Variants in UGT3A1 observed in about 807,000 individuals in gnomAD.
The protein encoded by UGT3A1 is UDP glycosyltransferase family 3 member A1, also known as UDP-glycosyltransferase 3A1.
A neutral mutation model predicts 37.6 loss-of-function variants in UGT3A1; 40 were observed. That is an observed-to-expected ratio of 1.06 (90% CI 0.83 to 1.38). The LOEUF (loss-of-function observed/expected upper bound fraction) is 1.38, where lower values mean the gene tolerates loss of function less well. UGT3A1 is among the 40% of genes most tolerant of loss of function. The pLI is 0.00. For synonymous variants in UGT3A1, 256 were observed against 232.3 expected (o/e 1.10, Z -0.93); for missense variants, 642 against 634.2 (o/e 1.01, Z -0.13).
chr5:35,967,876 C>T, intron 3 of UGT3A1, 143 bp downstream of exon 3: 1 of 667,452 alleles, frequency 1.5e-6, no homozygotes. Context: ...TCCATTCATC[C>T]ACTCACACAT....
rs1739778596 is a variant in UGT3A1 at position 35,965,707 on chromosome 5, A to G, written c.522T>C (p.Asp174=). Residue 174 remains aspartate, a synonymous_variant, in exon 4 of 7, where the codon GAT becomes GAC. Coordinates refer to ENST00000274278, the MANE Select transcript of UGT3A1 (RefSeq NM_152404.4). ...AILPTTFGSL[D]FGLPSPLSYV... is the part of the protein sequence containing the mutation. ...AAGACAAGGGGCTTGGTAGCCCAAA[A>G]TCCAAAGAGCCGAATGTGGTGGGAA... 1 of 1,614,178 alleles carries G rather than the reference A, an allele frequency of 6.2e-7. No homozygotes were observed. The highest frequency in any genetic ancestry group is 1.1e-5 in the South Asian group (1 of 91,070).
At chr5:35,992,138 A>G (rs1209244675), upstream of UGT3A1, among the ~76,000 whole-genome samples, 3 of 152,206 alleles carry the variant, frequency 2.0e-5, no homozygotes, top group Non-Finnish European at 4.4e-5. Flanking sequence ...GAAATCCTTC[A>G]ATGGATTATA....
At chr5:35,962,157 C>A (rs1280200825) in intron 4 of UGT3A1, 2 of 152,248 alleles carry the variant, frequency 1.3e-5, no homozygotes, top group Non-Finnish European at 2.9e-5. Flanking sequence ...TGCAGAGCAG[C>A]CTGCTTCTCA....
chr5:35,956,848 T>C (rs192087937), intron 5 of UGT3A1, among the ~76,000 whole-genome samples: 1 of 152,344 alleles, frequency 6.6e-6, no homozygotes, highest in East Asian at 1.9e-4. Flanking sequence ...TCTTGGAGTT[T>C]ACATATTATC....
chr5:35,993,967 C>G (rs536771223), upstream of UGT3A1, among the ~76,000 whole-genome samples: 50 of 152,130 alleles, frequency 3.3e-4, no homozygotes, highest in Non-Finnish European at 4.9e-4. Context: ...CCACTTGTTT[C>G]CTTCAAGGAG....
chr5:35,965,716 G>C lies in UGT3A1; in HGVS notation c.513C>G (p.Gly171=). The C allele has an allele frequency of 6.2e-7, 1 of 1,614,186 alleles. No individual in the cohort carries two copies. ...PFVAILPTTF[G]SLDFGLPSPL... ...GGCTTGGTAGCCCAAAATCCAAAGA[G>C]CCGAATGTGGTGGGAAGAATGGCCA... Residue 171 remains glycine, a synonymous_variant, in exon 4 of 7, where the codon GGC becomes GGG. Transcript: ENST00000274278.
chr5:35,963,757 C>T (rs1400982830), intron 4 of UGT3A1, among the ~76,000 whole-genome samples: 2 of 152,164 alleles, frequency 1.3e-5, no homozygotes, highest in Non-Finnish European at 2.9e-5. Flanking sequence ...TTTCCCACCC[C>T]TTGTGGCTGT....
intron 2 of UGT3A1, among the ~76,000 whole-genome samples, chr5:35,974,143 C>T (rs1428604218): frequency 6.6e-6 from 1 of 152,144 alleles, no homozygotes; most frequent in Non-Finnish European, 1.5e-5. Context: ...GTTAATCTTT[C>T]TCCAGCTTTC....
intron 2 of UGT3A1, among the ~76,000 whole-genome samples, chr5:35,977,541 C>T (rs1740339959): frequency 6.6e-6 from 1 of 152,128 alleles, no homozygotes; most frequent in Admixed American, 6.5e-5. Flanking sequence ...AGCACTTCCA[C>T]CCACTCTTTC....
At chr5:35,963,018 G>A in intron 4 of UGT3A1, 1 of 689,152 alleles carries the variant, frequency 1.5e-6, no homozygotes. Flanking sequence ...CTCAGGGTGT[G>A]AGGGAGAGAG....
intron 3 of UGT3A1, among the ~76,000 whole-genome samples, chr5:35,966,937 C>T (rs758784199): frequency 1.2e-4 from 18 of 152,060 alleles, no homozygotes; most frequent in Non-Finnish European, 2.1e-4. Context: ...TCCACTATTT[C>T]ATTTTTTAAA....
At chr5:35,964,945 C>T (rs1267538783) in intron 4 of UGT3A1, among the ~76,000 whole-genome samples, 2 of 152,182 alleles carry the variant, frequency 1.3e-5, no homozygotes, top group African/African-American at 4.8e-5. Context: ...ACTGTCAGTT[C>T]TTGCTGTCAG....
intron 2 of UGT3A1, among the ~76,000 whole-genome samples, chr5:35,987,192 A>G (rs1740761732): frequency 6.6e-6 from 1 of 152,168 alleles, no homozygotes; most frequent in Admixed American, 6.5e-5. Flanking sequence ...AAGTATTTCA[A>G]TACACTGATT....
At position 35,987,979 on chromosome 5, in the gene UGT3A1, G is replaced by A. The variant is rs16902678; in HGVS notation, c.196+471C>T. The stretch of plus-strand genomic sequence containing the variant: ...ACAAATTTTTCAAGCATATGAGGTC[G>A]TGTTAATCATATATTCTCATCTTAG... On this transcript the variant is annotated intron_variant, in intron 2 of 6. Coordinates refer to ENST00000274278, the MANE Select transcript of UGT3A1 (RefSeq NM_152404.4). Among the ~76,000 whole-genome samples the A allele has an allele frequency of 5.8e-3, 885 of 152,244 alleles. 8 individuals are homozygous for A. Among genetic ancestry groups the A allele is most frequent in the African/African-American group, 0.021 (855 of 41,530 alleles).
At position 35,965,433 on chromosome 5, in the gene UGT3A1, C is replaced by T. The variant is rs375701494; in HGVS notation, c.796G>A (p.Val266Ile). 41 of 1,614,032 alleles carry T rather than the reference C, an allele frequency of 2.5e-5. No individual in the cohort carries two copies. The highest frequency in any genetic ancestry group is 3.1e-5 in the Non-Finnish European group (36 of 1,180,028). ...TTTTCCATCAAGCCTCCAATATAAA[C>T]AGTGTTGGGAAGCAGGGGCCGGGCA... ...DFARPLLPNT[V>I]YIGGLMEKPI... Residue 266 changes from valine (V) to isoleucine (I), a missense_variant, in exon 4 of 7, where the codon GTT (valine) becomes ATT (isoleucine). By Grantham distance (29) the Val-to-Ile change is conservative (BLOSUM62 3). Transcript: ENST00000274278.
At chr5:35,988,740 C>T (rs1000760213) in intron 1 of UGT3A1, among the ~76,000 whole-genome samples, 189 bp from the exon 2 acceptor site, 3 of 152,132 alleles carry the variant, frequency 2.0e-5, no homozygotes, top group Non-Finnish European at 4.4e-5. Context: ...AGTACATGCA[C>T]CCAAAGCCTT....
chr5:35,993,085 C>G (rs1276430170), upstream of UGT3A1, among the ~76,000 whole-genome samples: 1 of 152,046 alleles, frequency 6.6e-6, no homozygotes, highest in African/African-American at 2.4e-5. Context: ...CATATCTGCC[C>G]AATTTTGTCT....
Position 35,965,294 on chromosome 5 carries a change from A to G in UGT3A1, c.843+92T>C. The G allele has an allele frequency of 4.6e-6, 7 of 1,523,348 alleles. No homozygotes were observed. In the South Asian group the frequency reaches 9.4e-5, roughly 20 times the overall value. 94.4% of individuals were successfully genotyped at this position (1,523,348 alleles called of 1,614,324 possible). On this transcript the variant is annotated intron_variant, in intron 4 of 6. Transcript: ENST00000274278. ...TGCCTCCTTTGCCAATCCCTACTTC[A>G]ACCTCAGGATCCCACTGGCAGGTGG...
chr5:35,971,016 C>T (rs1420797707), intron 2 of UGT3A1, among the ~76,000 whole-genome samples: 1 of 152,110 alleles, frequency 6.6e-6, no homozygotes, highest in Admixed American at 6.5e-5. Flanking sequence ...CCATTCAAGG[C>T]CTATTTCAAT....
Sources: allele counts gnomAD v4.1 joint callset (sites outside exome capture counted in the v4.1 genomes callset), GRCh38; gene constraint gnomAD v4.1.1; transcripts MANE v1.5; gene names NCBI Gene and HGNC (gene_info 2026-07-23, HGNC 2026-07-21).